SLC23A2: variants seen among roughly 807,000 people sequenced by gnomAD.
SLC23A2 encodes the protein Na(+)/L-ascorbic acid transporter 2.
A neutral mutation model predicts 73.3 loss-of-function variants in SLC23A2; 36 were observed. That is an observed-to-expected ratio of 0.49 (90% CI 0.38 to 0.65). The LOEUF (loss-of-function observed/expected upper bound fraction) is 0.65. Among genes scored for constraint, SLC23A2 ranks in the 30% least tolerant of loss-of-function variants. SLC23A2 has a pLI of 0.00. For synonymous variants in SLC23A2, 343 were observed against 327.3 expected (o/e 1.05, Z -0.52); for missense variants, 507 against 841.6 (o/e 0.60, Z 4.92).
At chr20:4,952,312 A>G (rs1210512341) in intron 2 of SLC23A2, among the ~76,000 whole-genome samples, 1 of 152,164 alleles carries the variant, frequency 6.6e-6, no homozygotes, top group Non-Finnish European at 1.5e-5. Flanking sequence ...AGACACATCC[A>G]GGGAGGAGAA....
chr20:4,881,750 AAAGGTTGTG>A (rs1351285326), intron 9 of SLC23A2, among the ~76,000 whole-genome samples: 1 of 152,158 alleles, frequency 6.6e-6, no homozygotes, highest in Non-Finnish European at 1.5e-5. Flanking sequence ...TATCTGCTTT[AAAGGTTGTG>A]AATTTTCTTG....
intron 2 of SLC23A2, among the ~76,000 whole-genome samples, chr20:4,953,334 T>TA (rs1000696005): frequency 6.6e-6 from 1 of 151,024 alleles, no homozygotes; most frequent in Admixed American, 6.6e-5. Flanking sequence ...TTAAATTAAA[T>TA]AAAAAAAGAA....
rs574379772 is a variant in SLC23A2 at position 4,868,072 on chromosome 20, ATTTTTTTT to A, written c.1251-205_1251-198del. On this transcript the variant is annotated intron_variant, in intron 12 of 16. Transcript: ENST00000338244. This position sits in a 1 kb window ranked among gnomAD's most constrained non-coding sequence, Gnocchi z 4.4. ...CCTGCTGAAGCAGAAAAGAATCTGC[ATTTTTTTT>A]TTTTTTTTTTTTTTTTTTAGAGAGT... 5.3e-5 allele frequency among the ~76,000 whole-genome samples: 5 copies of A among 94,410 alleles called. No homozygotes were observed. Among genetic ancestry groups the A allele is most frequent in the South Asian group, 3.6e-4 (1 of 2,802 alleles). 61.9% of individuals were successfully genotyped at this position (94,410 alleles called of 152,430 possible).
intron 2 of SLC23A2, among the ~76,000 whole-genome samples, chr20:4,962,254 A>AG (rs2087404433): frequency 1.8e-5 from 1 of 55,102 alleles, no homozygotes. Flanking sequence ...CCCCCGCCCC[A>AG]AAAAAACAGA....
intron 6 of SLC23A2, among the ~76,000 whole-genome samples, chr20:4,890,633 A>T (rs991791583): frequency 4.6e-5 from 7 of 152,150 alleles, no homozygotes; most frequent in Admixed American, 1.3e-4. Context: ...AGTCTGGGCA[A>T]CAGAGCGAGA....
At chr20:4,928,974 G>C (rs972237109) in intron 3 of SLC23A2, among the ~76,000 whole-genome samples, 1 of 152,200 alleles carries the variant, frequency 6.6e-6, no homozygotes, top group African/African-American at 2.4e-5. Flanking sequence ...TGTATGGGCT[G>C]GGCACGGTGG....
At chr20:4,945,242 A>G (rs1200503660) in intron 2 of SLC23A2, among the ~76,000 whole-genome samples, 3 of 152,196 alleles carry the variant, frequency 2.0e-5, no homozygotes, top group Non-Finnish European at 4.4e-5. Context: ...TTTAAAAAAA[A>G]AATAACAATC....
At chr20:5,004,959 A>G (rs1203320387), upstream of SLC23A2, among the ~76,000 whole-genome samples, 1 of 151,894 alleles carries the variant, frequency 6.6e-6, no homozygotes, top group Non-Finnish European at 1.5e-5. Flanking sequence ...AGATTGTGCC[A>G]TTGCACTCCA....
At chr20:4,969,003 G>A (rs1201883982) in intron 2 of SLC23A2, among the ~76,000 whole-genome samples, 2 of 152,146 alleles carry the variant, frequency 1.3e-5, no homozygotes, top group East Asian at 1.9e-4. Context: ...TTACAGGTGT[G>A]AGCCACTGTG....
chr20:4,942,505 T>C (rs1356323059), intron 2 of SLC23A2, among the ~76,000 whole-genome samples: 2 of 151,800 alleles, frequency 1.3e-5, no homozygotes, highest in Non-Finnish European at 2.9e-5. Flanking sequence ...GTGTAACAAA[T>C]CTTCCAATTC....
In SLC23A2 at chr20:4,876,558, G is replaced by C. The variant is rs1394494933; in HGVS notation, c.825-1862C>G. Among the ~76,000 whole-genome samples the C allele has an allele frequency of 2.0e-5, 3 of 152,152 alleles. No individual in the cohort carries two copies. In the East Asian group the frequency reaches 5.8e-4, roughly 29 times the overall value. ...GTCCACACATCTTAACTGAGCAAAG[G>C]GATGAAGCGTTCTAGCCCCAGCTCT... On this transcript the variant is annotated intron_variant, in intron 9 of 16. Transcript: ENST00000338244.
At chr20:4,893,828 G>C (rs1931421434) in intron 6 of SLC23A2, among the ~76,000 whole-genome samples, 1 of 152,244 alleles carries the variant, frequency 6.6e-6, no homozygotes, top group African/African-American at 2.4e-5. Context: ...AGAGGTCAGA[G>C]TGATGCTTCT....
intron 2 of SLC23A2, among the ~76,000 whole-genome samples, chr20:4,961,311 T>G (rs1480678575): frequency 6.6e-6 from 1 of 152,022 alleles, no homozygotes; most frequent in Non-Finnish European, 1.5e-5. Flanking sequence ...TCGATCTCCC[T>G]GACCTCATGA....
intron 1 of SLC23A2, among the ~76,000 whole-genome samples, chr20:4,987,332 G>A (rs563869875): frequency 7.9e-5 from 12 of 152,292 alleles, no homozygotes; most frequent in Admixed American, 3.3e-4. Flanking sequence ...CAGAAGATGC[G>A]AGCAGCTGCA....
At chr20:4,976,459 T>C (rs1310263828) in intron 1 of SLC23A2, among the ~76,000 whole-genome samples, 7 of 149,988 alleles carry the variant, frequency 4.7e-5, no homozygotes, top group African/African-American at 1.7e-4. Flanking sequence ...GCGGATCACC[T>C]GAGGTCGGGA....
intron 1 of SLC23A2, among the ~76,000 whole-genome samples, chr20:4,986,611 G>C (rs1412942200): frequency 6.7e-6 from 1 of 148,626 alleles, no homozygotes; most frequent in Non-Finnish European, 1.5e-5. Context: ...ACCGCGCCTG[G>C]CCTTGAAACT....
rs561859588 is a variant in SLC23A2 at position 4,909,006 on chromosome 20, CTAAA to C, written c.207+3870_207+3873del. ...AGGAAATACACATGCAGTATTTTCCCTAAATAAAGAGGCATTATGTCTGTGAGAT... is the reference window on the plus strand; with the variant it reads ...AGGAAATACACATGCAGTATTTTCCCTAAAGAGGCATTATGTCTGTGAGAT... On this transcript the variant is annotated intron_variant, in intron 4 of 16. Coordinates refer to ENST00000338244, the MANE Select transcript of SLC23A2 (RefSeq NM_005116.6). 2.5e-3 allele frequency among the ~76,000 whole-genome samples: 387 copies of C among 152,080 alleles called. 2 individuals carry two copies. The highest frequency in any genetic ancestry group is 8.6e-3 in the African/African-American group (357 of 41,448).
intron 1 of SLC23A2, among the ~76,000 whole-genome samples, chr20:4,975,020 C>A (rs1362932557): frequency 6.6e-6 from 1 of 152,188 alleles, no homozygotes; most frequent in South Asian, 2.1e-4. Context: ...CTCCTGACCT[C>A]AAGTGATCCA....
At chr20:4,948,274 T>G (rs2087147507) in intron 2 of SLC23A2, among the ~76,000 whole-genome samples, 1 of 152,204 alleles carries the variant, frequency 6.6e-6, no homozygotes, top group African/African-American at 2.4e-5. Context: ...CCACTTTGCC[T>G]CTATTTCCTA....
Sources: gnomAD v4.1 joint callset for allele counts (sites outside exome capture counted in the v4.1 genomes callset) on GRCh38, gnomAD v4.1.1 for gene constraint, Gnocchi (gnomAD v3.1) non-coding constraint, MANE v1.5 for transcripts, NCBI Gene and HGNC (gene_info 2026-07-23, HGNC 2026-07-21) for gene names.